Variants in LRRTM4 observed in about 807,000 individuals in gnomAD.
The protein encoded by LRRTM4 is leucine-rich repeat transmembrane neuronal protein 4.
LRRTM4 carries 25 observed loss-of-function variants against 47.6 expected under a neutral mutation model. The observed-to-expected ratio is 0.53, with a 90% CI of 0.38 to 0.73. The LOEUF is 0.73. LRRTM4 is among the 30% of genes least tolerant of loss of function. The probability of loss-of-function intolerance (pLI) is 0.00; values close to 1 mark genes in which losing one functional copy is unlikely to be tolerated. For synonymous variants in LRRTM4, 311 were observed against 269.5 expected, an observed-to-expected ratio of 1.15 and a Z score of -1.51; for missense variants, 638 against 713.4, an observed-to-expected ratio of 0.89 and a Z score of 1.20.
At chr2:77,091,639 A>C (rs1214779042) in intron 3 of LRRTM4, among the ~76,000 whole-genome samples, 1 of 148,082 alleles carries the variant, frequency 6.8e-6, no homozygotes, top group Non-Finnish European at 1.5e-5. Context: ...TTTCTTTACT[A>C]TTCCTTTGCA....
intron 3 of LRRTM4, among the ~76,000 whole-genome samples, chr2:76,929,311 G>A (rs986577310): frequency 6.6e-6 from 1 of 152,226 alleles, no homozygotes; most frequent in African/African-American, 2.4e-5. Context: ...ACCACATCGA[G>A]CCTACAGTAC....
chr2:77,413,421 A>G (rs1674516367), intron 3 of LRRTM4, among the ~76,000 whole-genome samples: 2 of 152,118 alleles, frequency 1.3e-5, no homozygotes, highest in African/African-American at 4.8e-5. Context: ...CATCCTACGC[A>G]TTCCAAACAG....
At chr2:77,326,089 C>T (rs1046067240) in intron 3 of LRRTM4, among the ~76,000 whole-genome samples, 5 of 152,162 alleles carry the variant, frequency 3.3e-5, no homozygotes, top group Non-Finnish European at 4.4e-5. Flanking sequence ...GCCAAAGACA[C>T]AGAGATGCCG....
At chr2:76,784,647 CAATGT>C in intron 3 of LRRTM4, among the ~76,000 whole-genome samples, 1 of 151,986 alleles carries the variant, frequency 6.6e-6, no homozygotes, top group Non-Finnish European at 1.5e-5. Context: ...TTGAAATGAT[CAATGT>C]AATGTTCTCT....
At chr2:77,306,225 A>G (rs538803380) in intron 3 of LRRTM4, among the ~76,000 whole-genome samples, 4 of 152,224 alleles carry the variant, frequency 2.6e-5, no homozygotes, top group Non-Finnish European at 5.9e-5. Context: ...AGGAATTTTA[A>G]TATGTGTTGC....
intron 3 of LRRTM4, among the ~76,000 whole-genome samples, chr2:76,891,117 C>T (rs901188266): frequency 6.6e-6 from 1 of 151,828 alleles, no homozygotes; most frequent in Non-Finnish European, 1.5e-5. Context: ...AAGAAGAAAA[C>T]TGAAGAATCT....
chr2:76,937,436 C>G (rs1674994134), intron 3 of LRRTM4, among the ~76,000 whole-genome samples: 1 of 152,198 alleles, frequency 6.6e-6, no homozygotes, highest in Admixed American at 6.5e-5. Flanking sequence ...TCATCCTTCA[C>G]TTCTAATCTT....
chr2:77,407,619 TA>T (rs1197881625), intron 3 of LRRTM4, among the ~76,000 whole-genome samples: 7 of 138,360 alleles, frequency 5.1e-5, no homozygotes, highest in African/African-American at 2.0e-4. Context: ...ATATATAATA[TA>T]ATATATGATA....
intron 3 of LRRTM4, among the ~76,000 whole-genome samples, chr2:76,950,114 A>G (rs1675449215): frequency 6.6e-6 from 1 of 151,978 alleles, no homozygotes; most frequent in African/African-American, 2.4e-5. Flanking sequence ...ATGGTGACAC[A>G]TAGGAAAAAT....
At chr2:77,507,907 T>G (rs1439205537) in intron 3 of LRRTM4, among the ~76,000 whole-genome samples, 1 of 152,032 alleles carries the variant, frequency 6.6e-6, no homozygotes, top group Non-Finnish European at 1.5e-5. Flanking sequence ...ATACCCTGAC[T>G]CAAAAAAGAT....
At chr2:76,939,375 C>T (rs1408214695) in intron 3 of LRRTM4, among the ~76,000 whole-genome samples, 1 of 152,048 alleles carries the variant, frequency 6.6e-6, no homozygotes, top group African/African-American at 2.4e-5. Context: ...CCAAATTCAA[C>T]AGTAAATGGG....
chr2:77,495,262 C>A (rs916206923), intron 3 of LRRTM4, among the ~76,000 whole-genome samples: 2 of 152,056 alleles, frequency 1.3e-5, no homozygotes, highest in Non-Finnish European at 2.9e-5. Context: ...TCCCTACTAG[C>A]AATATATGAA....
chr2:77,087,109 G>A (rs1223101350), intron 3 of LRRTM4, among the ~76,000 whole-genome samples: 3 of 152,172 alleles, frequency 2.0e-5, no homozygotes, highest in Non-Finnish European at 2.9e-5. Context: ...CTGATCTTAT[G>A]AAGCAAGAAG....
intron 3 of LRRTM4, among the ~76,000 whole-genome samples, chr2:77,412,601 C>A (rs1487952238): frequency 6.6e-6 from 1 of 152,166 alleles, no homozygotes; most frequent in Non-Finnish European, 1.5e-5. Flanking sequence ...AACATTGAAA[C>A]ACACAGCCGT....
intron 3 of LRRTM4, among the ~76,000 whole-genome samples, chr2:77,298,008 T>C (rs1440186630): frequency 6.6e-6 from 1 of 152,176 alleles, no homozygotes; most frequent in Non-Finnish European, 1.5e-5. Context: ...GAATTAAGCA[T>C]GATGGATGAG....
intron 3 of LRRTM4, among the ~76,000 whole-genome samples, chr2:77,219,735 G>A (rs1174808485): frequency 1.3e-5 from 2 of 152,150 alleles, no homozygotes; most frequent in Non-Finnish European, 2.9e-5. Flanking sequence ...GCAACTTCAG[G>A]GAGGTCACTT....
At chr2:77,466,307 G>A (rs949869390) in intron 3 of LRRTM4, among the ~76,000 whole-genome samples, 6 of 152,088 alleles carry the variant, frequency 3.9e-5, no homozygotes, top group South Asian at 2.1e-4. Flanking sequence ...AGGGGAGTCC[G>A]AATTAAATCG....
chr2:77,093,148 C>A (rs1322514798), intron 3 of LRRTM4, among the ~76,000 whole-genome samples: 1 of 148,368 alleles, frequency 6.7e-6, no homozygotes, highest in Non-Finnish European at 1.5e-5. Flanking sequence ...CCGTTCTCAA[C>A]TACTCATACA....
At chr2:77,433,809 A>C (rs1675480288) in intron 3 of LRRTM4, among the ~76,000 whole-genome samples, 1 of 152,196 alleles carries the variant, frequency 6.6e-6, no homozygotes, top group South Asian at 2.1e-4. Flanking sequence ...TGAGTAGATA[A>C]GGCTCTCTCC....
Sources: gnomAD v4.1 joint callset for allele counts (sites outside exome capture counted in the v4.1 genomes callset) on GRCh38, gnomAD v4.1.1 for gene constraint, MANE v1.5 for transcripts, NCBI Gene and HGNC (gene_info 2026-07-23, HGNC 2026-07-21) for gene names.